Variants in HIPK4 observed in about 807,000 individuals in gnomAD.
The protein encoded by HIPK4 is homeodomain-interacting protein kinase 4.
HIPK4 carries 26 observed loss-of-function variants against 44.8 expected under a neutral mutation model. That is an observed-to-expected ratio of 0.58 (90% confidence interval 0.43 to 0.80). The LOEUF is 0.80. HIPK4 is among the 30% of genes least tolerant of loss of function. HIPK4 has a pLI of 0.00. For missense variants in HIPK4, 729 were observed against 862.6 expected (o/e 0.85, Z 1.94); for synonymous variants, 340 against 355.5 (o/e 0.96, Z 0.49).
At chr19:40,388,056 G>A (rs1380636150) in intron 1 of HIPK4, among the ~76,000 whole-genome samples, 7 of 139,958 alleles carry the variant, frequency 5.0e-5, no homozygotes, top group South Asian at 2.3e-4. Flanking sequence ...TTCCTCTGTC[G>A]CCCAGGCTGG....
chr19:40,388,033 GAGAC>G (rs1394568029), intron 1 of HIPK4, among the ~76,000 whole-genome samples: 1 of 64,176 alleles, frequency 1.6e-5, no homozygotes, highest in Admixed American at 1.9e-4. Context: ...TTTTTTTTCT[GAGAC>G]AGAGGGACTT....
Position 40,389,108 on chromosome 19 carries a change from G to A in HIPK4, c.465+330C>T, listed in dbSNP as rs949598160. ...TGAGGCAGGAGAATCGCTTGAACCC[G>A]GGAGGCGGAGGCAGTGAACCAAGAT... On this transcript the variant is annotated intron_variant, in intron 1 of 3. Transcript: ENST00000291823. This position sits in a 1 kb window ranked among gnomAD's most constrained non-coding sequence, Gnocchi z 4.6. Among the ~76,000 whole-genome samples the A allele has an allele frequency of 2.6e-5, 4 of 151,314 alleles. No homozygotes were observed. The highest frequency in any genetic ancestry group is 4.4e-5 in the Non-Finnish European group (3 of 67,898).
At position 40,390,047 on chromosome 19, in the gene HIPK4, C is replaced by T. The variant is rs2079381894; in HGVS notation, c.-145G>A. The stretch of plus-strand genomic sequence containing the variant: ...TCGTGTCTCCTCCTATGAGGTTGGC[C>T]CCTGCTTCCCTGGCACCCCCAAACC... On this transcript the variant is annotated 5_prime_UTR_variant, in exon 1 of 4. Coordinates refer to ENST00000291823, the MANE Select transcript of HIPK4 (RefSeq NM_144685.5). The T allele has an allele frequency of 1.6e-6, 1 of 631,824 alleles. No homozygotes were observed. Among genetic ancestry groups the T allele is most frequent in the Non-Finnish European group, 2.7e-6 (1 of 364,852 alleles). The allele number at this position is 631,824 out of a possible 1,614,324, so 39.1% of individuals were successfully genotyped here. A position where few individuals can be genotyped will look rare whatever the true frequency, so the allele number is the denominator to read the frequency against.
chr19:40,388,346 G>A (rs2079372771), intron 1 of HIPK4, among the ~76,000 whole-genome samples: 1 of 152,182 alleles, frequency 6.6e-6, no homozygotes, highest in Non-Finnish European at 1.5e-5. Flanking sequence ...GCAGAAAGCA[G>A]TATCATGAAA....
chr19:40,389,912 G>A lies in HIPK4; in HGVS notation c.-10C>T. 1 of 1,596,028 alleles carries A rather than the reference G, an allele frequency of 6.3e-7. No homozygotes were observed. The highest frequency in any genetic ancestry group is 1.1e-5 in the South Asian group (1 of 90,702). On this transcript the variant is annotated 5_prime_UTR_variant, in exon 1 of 4. Coordinates refer to ENST00000291823, the MANE Select transcript of HIPK4 (RefSeq NM_144685.5). This position sits in a 1 kb window ranked among gnomAD's most constrained non-coding sequence, Gnocchi z 4.6. Reference sequence around the variant, plus strand: ...ACTGGATGGTGGACATGGTGCCGCTGCTGCCAGACACCGCCCTGCCCAGGC... The same window carrying A: ...ACTGGATGGTGGACATGGTGCCGCTACTGCCAGACACCGCCCTGCCCAGGC...
intron 3 of HIPK4, 115 bp from the exon 4 acceptor site, chr19:40,379,884 T>C (rs1405920420): frequency 1.8e-6 from 2 of 1,110,488 alleles, no homozygotes; most frequent in East Asian, 2.7e-5. Context: ...TTACCAGTGC[T>C]GGGCCTTTAT....
intron 1 of HIPK4, among the ~76,000 whole-genome samples, chr19:40,385,909 T>C (rs938875934): frequency 6.6e-6 from 1 of 151,814 alleles, no homozygotes; most frequent in Non-Finnish European, 1.5e-5. Context: ...GGTTTCACGA[T>C]GATGGCCAGG....
chr19:40,390,120 A>C lies in HIPK4; in HGVS notation c.-218T>G. On this transcript the variant is annotated 5_prime_UTR_variant, in exon 1 of 4. Transcript: ENST00000291823. ...CCAGGGGCTGCACCCCTCCCCAGAA[A>C]CCCTCCTGGCTTGGGATGAGGGGCC... 1 of 560,060 alleles carries C rather than the reference A, an allele frequency of 1.8e-6. No homozygotes were observed. Among genetic ancestry groups the C allele is most frequent in the South Asian group, 2.2e-5 (1 of 44,748 alleles). The allele number at this position is 560,060 out of a possible 1,614,324, so 34.7% of individuals were successfully genotyped here.
At position 40,386,676 on chromosome 19, in the gene HIPK4, G is replaced by A. The variant is rs567437774; in HGVS notation, c.466-2537C>T. On this transcript the variant is annotated intron_variant, in intron 1 of 3. Transcript: ENST00000291823. ...CTCTCTCAGCATTTCTCTCCCCAGC[G>A]AGGATGTCAGTCCCACGAGGGCAAA... Among the ~76,000 whole-genome samples the A allele has an allele frequency of 3.9e-5, 6 of 152,198 alleles. No individual in the cohort carries two copies. The East Asian group carries it at 7.7e-4, about 20-fold the overall frequency.
At position 40,380,747 on chromosome 19, in the gene HIPK4, C is replaced by T. The variant is rs770960175; in HGVS notation, c.1244G>A (p.Arg415Gln). The T allele has an allele frequency of 8.8e-5, 142 of 1,614,048 alleles. No individual in the cohort carries two copies. The highest frequency in any genetic ancestry group is 1.1e-4 in the Non-Finnish European group (134 of 1,180,000). The change falls in exon 3 of 4, where the codon CGA (arginine) becomes CAA (glutamine). Residue 415 changes from arginine (R) to glutamine (Q), a missense_variant. Coordinates refer to ENST00000291823, the MANE Select transcript of HIPK4 (RefSeq NM_144685.5). This position sits in a 1 kb window ranked among gnomAD's most constrained non-coding sequence, Gnocchi z 4.2. ...GSVAGSSPFF[R>Q]EEKAPGMQRA... ...TTGCATACCTGGTGCCTTCTCCTCT[C>T]GGAAGAAGGGGCTGCTGCCGGCCAC...
Position 40,379,701 on chromosome 19 carries a change from G to C in HIPK4, c.1737C>G (p.Thr579=), listed in dbSNP as rs1443340242. 1.9e-6 allele frequency: 3 copies of C among 1,606,474 alleles called. No individual in the cohort carries two copies. The South Asian group carries it at 3.3e-5, about 18-fold the overall frequency. The change falls in exon 4 of 4, where the codon ACC becomes ACG. Residue 579 remains threonine, a synonymous_variant. Transcript: ENST00000291823. ...PGEWLSEPDC[T]LESVRGPRAQ... ...CCCGTGGGCCCCTGACGCTCTCCAG[G>C]GTGCAGTCTGGCTCACTCAGCCATT...
chr19:40,388,307 C>T (rs1427164341), intron 1 of HIPK4, among the ~76,000 whole-genome samples: 9 of 152,132 alleles, frequency 5.9e-5, no homozygotes, highest in East Asian at 5.8e-4. Context: ...CGTGAGCCAC[C>T]GCACCTGGCC....
rs370183538 is a variant in HIPK4, at chr19:40,381,121, C to A, written c.870G>T (p.Gln290His). The A allele has an allele frequency of 6.2e-7, 1 of 1,608,326 alleles. No individual in the cohort carries two copies. Among genetic ancestry groups the A allele is most frequent in the Non-Finnish European group, 8.5e-7 (1 of 1,179,810 alleles). ...CACTGCCACCATTCACTGTCTCAAT[C>A]TGGTCCAACGACTTGAGCATATACT... ...RRKYMLKSLD[Q>H]IETVNGGSVA... The change falls in exon 3 of 4, where the codon CAG (glutamine) becomes CAT (histidine). Residue 290 changes from glutamine to histidine, a missense_variant. This residue lies in a region of HIPK4 where 533 missense variants were observed against 567.5 expected (regional missense o/e 0.94). Coordinates refer to ENST00000291823, the MANE Select transcript of HIPK4 (RefSeq NM_144685.5).
rs2079381193 is a variant in HIPK4, at chr19:40,389,927, C to T, written c.-25G>A. On this transcript the variant is annotated 5_prime_UTR_variant, in exon 1 of 4. Coordinates refer to ENST00000291823, the MANE Select transcript of HIPK4 (RefSeq NM_144685.5). The surrounding 1 kb of genome is among the most constrained non-coding windows in gnomAD (Gnocchi z 4.6). ...TGGTGCCGCTGCTGCCAGACACCGC[C>T]CTGCCCAGGCCCCTGTACCACTGGC... 6.4e-7 allele frequency: 1 copy of T among 1,568,936 alleles called. No homozygotes were observed. The highest frequency in any genetic ancestry group is 1.3e-5 in the African/African-American group (1 of 74,316).
intron 1 of HIPK4, among the ~76,000 whole-genome samples, chr19:40,385,449 G>A (rs1036525896): frequency 3.3e-5 from 5 of 152,068 alleles, no homozygotes; most frequent in South Asian, 2.1e-4. Flanking sequence ...TTTTGCACTC[G>A]CTGTTCCCTC....
intron 2 of HIPK4, among the ~76,000 whole-genome samples, 199 bp downstream of exon 2, chr19:40,383,584 A>AT (rs978819766): frequency 6.7e-5 from 10 of 149,972 alleles, no homozygotes; most frequent in Admixed American, 4.0e-4. Context: ...TGCCCAGCTG[A>AT]TTTTTTTTTC....
chr19:40,381,195 G>T (rs1446294841), intron 2 of HIPK4, 27 bp from the exon 3 acceptor site: 2 of 1,566,960 alleles, frequency 1.3e-6, no homozygotes, highest in Non-Finnish European at 1.7e-6. Context: ...AAGGGGGCAG[G>T]GTTGACCATT....
chr19:40,384,467 C>A (rs1182669386), intron 1 of HIPK4, among the ~76,000 whole-genome samples: 3 of 152,086 alleles, frequency 2.0e-5, no homozygotes, highest in Non-Finnish European at 4.4e-5. Context: ...CCACACCCGG[C>A]TAATTTTTTG....
rs768718132 is a variant in HIPK4 at position 40,380,361 on chromosome 19, C to G, written c.1630G>C (p.Asp544His). Residue 544 changes from aspartate (D) to histidine (H), a missense_variant, in exon 3 of 4, where the codon GAT becomes CAT. Transcript: ENST00000291823. The surrounding 1 kb of genome is among the most constrained non-coding windows in gnomAD (Gnocchi z 4.2). ...EPLAILQRDE[D>H]GPNIDNMTME... ...GTCATGTTGTCAATGTTGGGCCCAT[C>G]CTCATCTCGCTGCAGGATGGCCAGT... 1 of 1,614,070 alleles carries G rather than the reference C, an allele frequency of 6.2e-7. No homozygotes were observed. The highest frequency in any genetic ancestry group is 1.7e-5 in the Admixed American group (1 of 59,998).
Sources: gnomAD v4.1 joint callset for allele counts (sites outside exome capture counted in the v4.1 genomes callset) on GRCh38, gnomAD v4.1.1 for gene constraint, gnomAD v4.1.1 regional missense constraint, Gnocchi (gnomAD v3.1) non-coding constraint, MANE v1.5 for transcripts, NCBI Gene and HGNC (gene_info 2026-07-23, HGNC 2026-07-21) for gene names.